Variants in TBC1D8B observed in about 807,000 individuals in gnomAD.
TBC1D8B encodes TBC1 domain family member 8B.
In TBC1D8B, 75 loss-of-function variants were observed where a neutral mutation model predicts 82.9. That is an observed-to-expected ratio of 0.90 (90% CI 0.75 to 1.10). TBC1D8B has a LOEUF of 1.10. TBC1D8B is among the 50% of genes least tolerant of loss of function. The pLI, the probability that TBC1D8B is intolerant of heterozygous loss-of-function variation, is 0.00. For missense variants in TBC1D8B, 794 were observed against 796.9 expected (o/e 1.00, Z 0.04); for synonymous variants, 276 against 276.8 (o/e 1.00, Z 0.03).
At chrX:106,866,156 A>G in intron 16 of TBC1D8B, 123 bp downstream of exon 16, 2 of 694,818 alleles carry the variant, frequency 2.9e-6, no homozygotes, top group Non-Finnish European at 4.1e-6. Flanking sequence ...TTAGTAATAA[A>G]TGGACCCTTT....
chrX:106,818,723 G>A lies in TBC1D8B; in HGVS notation c.191G>A (p.Arg64His), dbSNP rs375935319. The A allele has an allele frequency of 1.9e-5, 23 of 1,205,837 alleles. No homozygotes were observed. Among genetic ancestry groups the A allele is most frequent in the African/African-American group, 5.3e-5 (3 of 56,811 alleles). Residue 64 changes from arginine to histidine, a missense_variant, in exon 2 of 21, where the codon CGC (arginine) becomes CAC (histidine). By Grantham distance (29) the Arg-to-His change is conservative. Coordinates refer to ENST00000357242, the MANE Select transcript of TBC1D8B (RefSeq NM_017752.3). ...TCTACTGCTAAAGTAGCTCCATTTCGCATCCTACACCAGACACCAGATTCT... is the reference window on the plus strand; with the variant it reads ...TCTACTGCTAAAGTAGCTCCATTTCACATCCTACACCAGACACCAGATTCT... Reference protein sequence around the residue: ...LDSTAKVAPFRILHQTPDSQV... With the variant: ...LDSTAKVAPFHILHQTPDSQV...
rs555207781 is a variant in TBC1D8B, at chrX:106,816,785, T to C, written c.131-1878T>C. 9.0e-5 allele frequency among the ~76,000 whole-genome samples: 10 copies of C among 111,383 alleles called. No individual in the cohort carries two copies. In the South Asian group the frequency reaches 3.7e-3, roughly 42 times the overall value. On this transcript the variant is annotated intron_variant, in intron 1 of 20. Coordinates refer to ENST00000357242, the MANE Select transcript of TBC1D8B (RefSeq NM_017752.3). ...TTGTGACTCCTGTTTTTACTTTTTA[T>C]CAATTCCTGTATCTACTCTCCTATC...
chrX:106,836,154 G>T (rs750894645), intron 7 of TBC1D8B, among the ~76,000 whole-genome samples: 1 of 112,038 alleles, frequency 8.9e-6, no homozygotes, highest in African/African-American at 3.2e-5. Flanking sequence ...TGGCTGGGAA[G>T]GCCTCAGGAA....
intron 7 of TBC1D8B, among the ~76,000 whole-genome samples, chrX:106,838,313 A>T (rs953017817): frequency 9.0e-6 from 1 of 111,216 alleles, no homozygotes; most frequent in Non-Finnish European, 1.9e-5. Flanking sequence ...ACTTCCTTGG[A>T]TCACCCCCTG....
At chrX:106,820,289 T>C (rs1931659629) in intron 2 of TBC1D8B, among the ~76,000 whole-genome samples, 1 of 111,041 alleles carries the variant, frequency 9.0e-6, no homozygotes, top group Admixed American at 9.7e-5. Context: ...GTCACATGGA[T>C]TTAACCTTGC....
At chrX:106,851,966 T>C in intron 12 of TBC1D8B, among the ~76,000 whole-genome samples, 1 of 109,910 alleles carries the variant, frequency 9.1e-6, no homozygotes, top group African/African-American at 3.3e-5. Context: ...TATTTCTAGT[T>C]CTAGATCCCT....
At position 106,869,600 on chromosome X, in the gene TBC1D8B, T is replaced by G. The variant is rs760608474; in HGVS notation, c.2869+59T>G. ...TTAGTTATTTTTATGTAAATAAGGA[T>G]AGCTACAAAGGGGGAAAAGGTGGAT... On this transcript the variant is annotated intron_variant, in intron 19 of 20. Transcript: ENST00000357242. The G allele has an allele frequency of 8.1e-6, 8 of 985,055 alleles. No individual in the cohort carries two copies. In the Admixed American group the frequency reaches 1.2e-4, roughly 15 times the overall value. 81.2% of individuals were successfully genotyped at this position (985,055 alleles called of 1,213,427 possible).
chrX:106,842,637 A>G (rs1409739219), intron 10 of TBC1D8B, among the ~76,000 whole-genome samples: 6 of 101,256 alleles, frequency 5.9e-5, no homozygotes, highest in Admixed American at 1.0e-4. Context: ...CTATCTATCT[A>G]TCTATCTATC....
intron 10 of TBC1D8B, among the ~76,000 whole-genome samples, chrX:106,846,476 A>G (rs1932457155): frequency 9.1e-6 from 1 of 109,694 alleles, no homozygotes. Flanking sequence ...TTAAAATGCC[A>G]CAGAGCTTAC....
intron 10 of TBC1D8B, among the ~76,000 whole-genome samples, chrX:106,844,522 TAC>T (rs891619150): frequency 2.0e-4 from 21 of 102,911 alleles, no homozygotes; most frequent in African/African-American, 7.9e-4. Context: ...TATATATATA[TAC>T]ACACACACAC....
intron 19 of TBC1D8B, 21 bp from the exon 20 acceptor site, chrX:106,870,694 TG>T: frequency 9.3e-7 from 1 of 1,070,064 alleles, no homozygotes; most frequent in Non-Finnish European, 1.3e-6. Context: ...CCTTATGAAA[TG>T]GTTTTACTCC....
At chrX:106,861,749 ATAT>A (rs1336419605) in intron 14 of TBC1D8B, among the ~76,000 whole-genome samples, 1 of 111,781 alleles carries the variant, frequency 8.9e-6, no homozygotes, top group African/African-American at 3.2e-5. Context: ...TTCAAGGTTA[ATAT>A]TAATATGTGT....
chrX:106,835,314 T>G lies in TBC1D8B; in HGVS notation c.1204-3994T>G, dbSNP rs1162681195. On this transcript the variant is annotated intron_variant, in intron 7 of 20. Coordinates refer to ENST00000357242, the MANE Select transcript of TBC1D8B (RefSeq NM_017752.3). ...TGGCCCGAACTGAACCTTGGCCTCT[T>G]TTAGCCACAGCTGGAGCTGAAGCAG... Among the ~76,000 whole-genome samples the G allele has an allele frequency of 2.7e-5, 3 of 112,569 alleles. No individual in the cohort carries two copies. The Admixed American group carries it at 2.8e-4, about 11-fold the overall frequency.
intron 10 of TBC1D8B, among the ~76,000 whole-genome samples, chrX:106,846,097 T>C (rs202197134): frequency 6.2e-5 from 5 of 80,088 alleles, no homozygotes; most frequent in Admixed American, 4.0e-4. Context: ...CTCTCTCTCT[T>C]TTTTTTTTTT....
In TBC1D8B at chrX:106,831,407, ATC is replaced by A. The variant is rs758605277; in HGVS notation, c.1203+4075_1203+4076del. ...GGGTTTTCCTTGCCCCAACTTTATT[ATC>A]TCTCATTCTCTTTTAGTATGTACCC... On this transcript the variant is annotated intron_variant, in intron 7 of 20. Coordinates refer to ENST00000357242, the MANE Select transcript of TBC1D8B (RefSeq NM_017752.3). Among the ~76,000 whole-genome samples, 3 of 110,832 alleles carry A rather than the reference ATC, an allele frequency of 2.7e-5. No individual in the cohort carries two copies. The East Asian group carries it at 8.5e-4, about 31-fold the overall frequency.
chrX:106,847,074 A>G (rs1201610399), intron 10 of TBC1D8B, among the ~76,000 whole-genome samples: 1 of 112,072 alleles, frequency 8.9e-6, no homozygotes, highest in Non-Finnish European at 1.9e-5. Context: ...TAAAAATACC[A>G]TGTGACCAAA....
At chrX:106,852,489 A>C (rs1190780454) in intron 12 of TBC1D8B, among the ~76,000 whole-genome samples, 11 of 111,505 alleles carry the variant, frequency 9.9e-5, no homozygotes, top group African/African-American at 3.6e-4. Flanking sequence ...AAGTGCTTGC[A>C]CATGCCTATG....
At chrX:106,809,264 G>A (rs1931283909) in intron 1 of TBC1D8B, among the ~76,000 whole-genome samples, 1 of 111,593 alleles carries the variant, frequency 9.0e-6, no homozygotes, top group Admixed American at 9.5e-5. Context: ...CTCTCATGGG[G>A]CTAATACCGT....
chrX:106,819,288 A>G (rs1321486686), intron 2 of TBC1D8B, among the ~76,000 whole-genome samples: 1 of 111,206 alleles, frequency 9.0e-6, no homozygotes, highest in African/African-American at 3.3e-5. Context: ...TTAATGTTAC[A>G]TATTCATTCA....
Sources: allele counts gnomAD v4.1 joint callset (sites outside exome capture counted in the v4.1 genomes callset), GRCh38; gene constraint gnomAD v4.1.1; transcripts MANE v1.5; gene names NCBI Gene and HGNC (gene_info 2026-07-23, HGNC 2026-07-21).